SPOCK2: variants seen among roughly 807,000 people sequenced by gnomAD.
SPOCK2 encodes the protein SPARC (osteonectin), cwcv and kazal like domains proteoglycan 2.
A neutral mutation model predicts 60.1 loss-of-function variants in SPOCK2; 39 were observed. The ratio of observed to expected loss-of-function variants is 0.65; its 90% CI spans 0.50 to 0.85. The LOEUF (loss-of-function observed/expected upper bound fraction) is 0.85, where lower values mean the gene tolerates loss of function less well. Among genes scored for constraint, SPOCK2 ranks in the 40% least tolerant of loss-of-function variants. The pLI is 0.00. For synonymous variants in SPOCK2, 217 were observed against 231.5 expected (o/e 0.94, Z 0.57); for missense variants, 523 against 567.4 (o/e 0.92, Z 0.80).
rs1327572760 is a variant in SPOCK2 at position 72,068,301 on chromosome 10, A to G, written c.475T>C (p.Cys159Arg). Residue 159 changes from cysteine (C) to arginine (R), a missense_variant and splice_region_variant, in exon 6 of 11, where the codon TGT becomes CGT. By Grantham distance (180) the Cys-to-Arg change is radical (BLOSUM62 -3). Transcript: ENST00000373109. ...AGGCACGCCTGTTGCTCCAGCTTAC[A>G]CTGCACATGGGGAAAGGTGGAACAG... ...GSDGHTYSSV[C>R]KLEQQACLSS... 1.9e-6 allele frequency: 3 copies of G among 1,607,750 alleles called. No homozygotes were observed. The highest frequency in any genetic ancestry group is 2.5e-6 in the Non-Finnish European group (3 of 1,177,002).
At position 72,062,813 on chromosome 10, in the gene SPOCK2, C is replaced by T. The variant is rs1840511644; in HGVS notation, c.1222G>A (p.Glu408Lys). The T allele has an allele frequency of 6.2e-6, 10 of 1,609,972 alleles. No individual in the cohort carries two copies. Among genetic ancestry groups the T allele is most frequent in the South Asian group, 2.2e-5 (2 of 91,046 alleles). Residue 408 changes from glutamate (E) to lysine (K), a missense_variant, in exon 11 of 11, where the codon GAG becomes AAG. Physicochemically the swap from Glu to Lys is moderately conservative, Grantham distance 56. Transcript: ENST00000373109. This position sits in a 1 kb window ranked among gnomAD's most constrained non-coding sequence, Gnocchi z 4.3. ...KETEEAGEEA[E>K]EEEGEAGEAD... ...TCGCCTGCCTCGCCCTCCTCCTCCTCGGCCTCCTCGCCTGCTTCCTCCGTC... is the reference window on the plus strand; with the variant it reads ...TCGCCTGCCTCGCCCTCCTCCTCCTTGGCCTCCTCGCCTGCTTCCTCCGTC...
At chr10:72,066,834 G>A in intron 8 of SPOCK2, 68 bp downstream of exon 8, 4 of 1,585,862 alleles carry the variant, frequency 2.5e-6, no homozygotes, top group Non-Finnish European at 2.6e-6. Flanking sequence ...GACTTCCCAA[G>A]AGAGCCTGGA....
intron 8 of SPOCK2, among the ~76,000 whole-genome samples, chr10:72,065,952 T>C (rs1840562062): frequency 6.6e-6 from 1 of 152,042 alleles, no homozygotes; most frequent in Non-Finnish European, 1.5e-5. Context: ...CTGACTAGCG[T>C]ATGGTGGGGC....
chr10:72,068,037 G>A, intron 6 of SPOCK2, 150 bp downstream of exon 6: 4 of 948,550 alleles, frequency 4.2e-6, no homozygotes, highest in Non-Finnish European at 6.3e-6. Flanking sequence ...GTGTTAATCT[G>A]GGCCTCTGAC....
At chr10:72,067,828 G>C in intron 6 of SPOCK2, 96 bp from the exon 7 acceptor site, 1 of 1,523,100 alleles carries the variant, frequency 6.6e-7, no homozygotes, top group East Asian at 2.4e-5. Flanking sequence ...AGGAGGCTGG[G>C]CAGGGGTCCG....
intron 8 of SPOCK2, among the ~76,000 whole-genome samples, chr10:72,064,781 A>C (rs1840545614): frequency 5.3e-5 from 8 of 151,952 alleles, no homozygotes. Context: ...CCCAGGCTGG[A>C]GTGCATTGGC....
rs942103011 is a variant in SPOCK2, at chr10:72,060,448, C to T, written c.*2312G>A. 1 of 152,308 alleles carries T rather than the reference C, an allele frequency of 6.6e-6. No homozygotes were observed. The highest frequency in any genetic ancestry group is 2.4e-5 in the African/African-American group (1 of 41,410). The allele number at this position is 152,308 out of a possible 1,614,324, so 9.4% of individuals were successfully genotyped here. A position where few individuals can be genotyped will look rare whatever the true frequency, so the allele number is the denominator to read the frequency against. ...ATCAAGAGGACAGGGGACACCCTTC[C>T]TCTGAACTCCTTCCTTCCCCAGGCC... On this transcript the variant is annotated 3_prime_UTR_variant, in exon 11 of 11. Transcript: ENST00000373109.
intron 1 of SPOCK2, among the ~76,000 whole-genome samples, chr10:72,082,274 G>A (rs1840795502): frequency 6.6e-6 from 1 of 152,224 alleles, no homozygotes; most frequent in Admixed American, 6.5e-5. Context: ...CCACAGCCGG[G>A]CCAGGTCTGC....
chr10:72,078,319 C>G (rs895616662), intron 1 of SPOCK2, among the ~76,000 whole-genome samples: 2 of 152,040 alleles, frequency 1.3e-5, no homozygotes, highest in Non-Finnish European at 2.9e-5. Flanking sequence ...ATCGAGCACC[C>G]TGGATAACAC....
chr10:72,067,577 C>T lies in SPOCK2; in HGVS notation c.709+36G>A, dbSNP rs373520712. The T allele has an allele frequency of 2.5e-6, 4 of 1,609,102 alleles. No individual in the cohort carries two copies. In the Admixed American group the frequency reaches 6.7e-5, roughly 27 times the overall value. ...TGTGTCCTCAGCCCCTTCCCTATTTCCCTCCCTCCTCCAGGCAGAGCAGCA... is the reference window on the plus strand; with the variant it reads ...TGTGTCCTCAGCCCCTTCCCTATTTTCCTCCCTCCTCCAGGCAGAGCAGCA... On this transcript the variant is annotated intron_variant, in intron 7 of 10. Transcript: ENST00000373109.
At chr10:72,072,684 T>C (rs973749733) in intron 2 of SPOCK2, 136 bp from the exon 3 acceptor site, 2 of 1,387,542 alleles carry the variant, frequency 1.4e-6, no homozygotes, top group African/African-American at 2.8e-5. Context: ...CTGACCCCTG[T>C]CCACCCAGGC....
Position 72,087,858 on chromosome 10 carries a change from G to A in SPOCK2, c.189+282C>T, listed in dbSNP as rs1840882740. On this transcript the variant is annotated intron_variant, in intron 1 of 10. Coordinates refer to ENST00000373109, the MANE Select transcript of SPOCK2 (RefSeq NM_001244950.2). This position sits in a 1 kb window ranked among gnomAD's most constrained non-coding sequence, Gnocchi z 4.7. The stretch of plus-strand genomic sequence containing the variant: ...CGGCCCCGCACCCCTTCCCACTCCC[G>A]GCCCGCAGGGGAGACCCCGGAGCGC... 6.6e-6 allele frequency among the ~76,000 whole-genome samples: 1 copy of A among 152,022 alleles called. No individual in the cohort carries two copies. The highest frequency in any genetic ancestry group is 1.5e-5 in the Non-Finnish European group (1 of 67,962).
rs1029546905 is a variant in SPOCK2, at chr10:72,067,134, A to G, written c.710-14T>C. On this transcript the variant is annotated splice_polypyrimidine_tract_variant and intron_variant, in intron 7 of 10. Coordinates refer to ENST00000373109, the MANE Select transcript of SPOCK2 (RefSeq NM_001244950.2). ...TCTTGTCCAGCCCTGGGAAAAGATC[A>G]GGTTCAGGCACGCTTCATCTGGCTA... is the stretch of plus-strand genomic sequence containing the variant. The G allele has an allele frequency of 4.3e-6, 7 of 1,609,516 alleles. No individual in the cohort carries two copies. In the African/African-American group the frequency reaches 6.7e-5, roughly 15 times the overall value.
chr10:72,079,620 T>G (rs1263444641), intron 1 of SPOCK2, among the ~76,000 whole-genome samples: 1 of 152,178 alleles, frequency 6.6e-6, no homozygotes, highest in East Asian at 1.9e-4. Context: ...TTACTTCCTG[T>G]CATTTTAATT....
chr10:72,063,344 T>C (rs1530801), intron 9 of SPOCK2, among the ~76,000 whole-genome samples, 182 bp from the exon 10 acceptor site: 51,020 of 152,078 alleles, frequency 0.34, 9,786 homozygotes, highest in Middle Eastern at 0.47. Context: ...AGCAATTCTT[T>C]CGGCTCTACT....
chr10:72,084,655 T>C (rs1840831416), intron 1 of SPOCK2, among the ~76,000 whole-genome samples: 1 of 152,196 alleles, frequency 6.6e-6, no homozygotes, highest in African/African-American at 2.4e-5. Flanking sequence ...TAGAATTCCC[T>C]GAAAAGCAAA....
chr10:72,067,174 C>T, intron 7 of SPOCK2, 54 bp from the exon 8 acceptor site: 1 of 1,534,464 alleles, frequency 6.5e-7, no homozygotes, highest in East Asian at 2.4e-5. Flanking sequence ...GCCGTTTCTC[C>T]AGCCCTCCAT....
intron 7 of SPOCK2, 93 bp from the exon 8 acceptor site, chr10:72,067,213 T>A: frequency 1.5e-6 from 2 of 1,299,518 alleles, no homozygotes; most frequent in Non-Finnish European, 2.1e-6. Flanking sequence ...GCCCCAGCCC[T>A]CTATTCTGGG....
chr10:72,063,098 G>C lies in SPOCK2; in HGVS notation c.1056C>G (p.Ser352Arg), dbSNP rs748106143. The change falls in exon 10 of 11, where the codon AGC becomes AGG. Residue 352 changes from serine to arginine, a missense_variant. Physicochemically the swap from Ser to Arg is moderately radical, Grantham distance 110 (BLOSUM62 -1). Coordinates refer to ENST00000373109, the MANE Select transcript of SPOCK2 (RefSeq NM_001244950.2). The part of the protein sequence containing the change: ...YYRKMQCDQS[S>R]GDCWCVDQLG... ...GCTGGTCCACACACCAGCAGTCACC[G>C]CTGCTCTGGTCACACTGCATCTTCC... The C allele has an allele frequency of 1.9e-6, 3 of 1,555,316 alleles. No individual in the cohort carries two copies. The highest frequency in any genetic ancestry group is 1.7e-6 in the Non-Finnish European group (2 of 1,149,038).
Sources: allele counts gnomAD v4.1 joint callset (sites outside exome capture counted in the v4.1 genomes callset), GRCh38; gene constraint gnomAD v4.1.1; non-coding constraint Gnocchi (gnomAD v3.1); transcripts MANE v1.5; gene names NCBI Gene and HGNC (gene_info 2026-07-23, HGNC 2026-07-21).